Variants in SPRY3 observed in about 807,000 individuals in gnomAD.
The protein encoded by SPRY3 is protein sprouty homolog 3.
A neutral mutation model predicts 20.2 loss-of-function variants in SPRY3; 15 were observed. The ratio of observed to expected loss-of-function variants is 0.74; its 90% confidence interval spans 0.50 to 1.14. The LOEUF is 1.14. SPRY3 is among the 50% of genes most tolerant of loss of function. SPRY3 has a pLI of 0.00. For synonymous variants in SPRY3, 143 were observed against 136.5 expected, an observed-to-expected ratio of 1.05 and a Z score of -0.33; for missense variants, 364 against 363.9, an observed-to-expected ratio of 1.00 and a Z score of 0.00.
At chrX:155,778,330 C>G (rs188561366), downstream of SPRY3, 75 of 167,144 alleles carry the variant, frequency 4.5e-4, 1 homozygote, top group East Asian at 0.014. Context: ...GCAATAGTTA[C>G]AGGCATCATA....
At chrX:155,750,847 A>G (rs2091258917) in intron 2 of SPRY3, among the ~76,000 whole-genome samples, 1 of 151,934 alleles carries the variant, frequency 6.6e-6, no homozygotes, top group Admixed American at 6.6e-5. Context: ...CTAACATTAA[A>G]TGAATACCAA....
intron 1 of SPRY3, among the ~76,000 whole-genome samples, chrX:155,623,253 C>G (rs2067877013): frequency 9.0e-6 from 1 of 111,690 alleles, no homozygotes; most frequent in South Asian, 3.7e-4. Context: ...TTCTTTATGG[C>G]TATTGTCCTC....
chrX:155,754,958 A>T (rs1261386334), intron 2 of SPRY3, among the ~76,000 whole-genome samples: 1 of 136,178 alleles, frequency 7.3e-6, no homozygotes, highest in Non-Finnish European at 1.7e-5. Context: ...ATGTAGCTGA[A>T]CTTGTGTGTG....
intron 1 of SPRY3, among the ~76,000 whole-genome samples, chrX:155,656,711 GT>G (rs1182924873): frequency 5.4e-5 from 6 of 111,423 alleles, no homozygotes; most frequent in African/African-American, 1.6e-4. Context: ...TTTTACGCTG[GT>G]TTTTTTCTCA....
intron 2 of SPRY3, among the ~76,000 whole-genome samples, chrX:155,759,921 C>T (rs1001939250): frequency 2.0e-5 from 3 of 152,180 alleles, no homozygotes; most frequent in Non-Finnish European, 4.4e-5. Flanking sequence ...AAAAATACTT[C>T]CTCCAGGAAG....
chrX:155,653,011 T>C (rs138024324), intron 1 of SPRY3, among the ~76,000 whole-genome samples: 36 of 111,793 alleles, frequency 3.2e-4, no homozygotes, highest in African/African-American at 1.0e-3. Flanking sequence ...CATTTGCATA[T>C]CTCCTTTAGA....
At chrX:155,711,696 T>TC (rs2090987706) in intron 2 of SPRY3, among the ~76,000 whole-genome samples, 1 of 151,170 alleles carries the variant, frequency 6.6e-6, no homozygotes, top group Non-Finnish European at 1.5e-5. Context: ...CTATTTTTTT[T>TC]TTGCTATTTA....
chrX:155,712,625 T>C (rs1179929799), intron 2 of SPRY3, among the ~76,000 whole-genome samples: 1 of 151,986 alleles, frequency 6.6e-6, no homozygotes. Flanking sequence ...GTCTTGTTTT[T>C]TAATTTATGC....
intron 2 of SPRY3, among the ~76,000 whole-genome samples, chrX:155,735,125 TG>T (rs1242082744): frequency 2.0e-5 from 3 of 152,022 alleles, no homozygotes; most frequent in African/African-American, 7.2e-5. Flanking sequence ...TTTATATGTA[TG>T]TTTTTTAATC....
chrX:155,635,082 C>T (rs958493393), intron 1 of SPRY3, among the ~76,000 whole-genome samples: 2 of 109,252 alleles, frequency 1.8e-5, no homozygotes, highest in South Asian at 4.0e-4. Flanking sequence ...GCCCCCCTCC[C>T]ATGTCCATGT....
exon 4 of SPRY3, chrX:155,774,067 C>A: frequency 6.2e-7 from 1 of 1,613,988 alleles, no homozygotes; most frequent in South Asian, 1.1e-5. Flanking sequence ...CCCCCGCAGT[C>A]TCAGCCAGTG....
chrX:155,735,849 T>C (rs181534506), intron 2 of SPRY3, among the ~76,000 whole-genome samples: 34 of 152,080 alleles, frequency 2.2e-4, no homozygotes, highest in African/African-American at 6.3e-4. Context: ...TACCTTTTTA[T>C]AATTGTTCTC....
At chrX:155,766,136 C>A (rs1477385447) in intron 2 of SPRY3, among the ~76,000 whole-genome samples, 2 of 152,202 alleles carry the variant, frequency 1.3e-5, no homozygotes, top group Non-Finnish European at 2.9e-5. Flanking sequence ...CACGCACATA[C>A]ACAGGCATGC....
intron 1 of SPRY3, among the ~76,000 whole-genome samples, chrX:155,653,006 G>T (rs1397100454): frequency 9.0e-6 from 1 of 111,264 alleles, no homozygotes; most frequent in Non-Finnish European, 1.9e-5. Context: ...CTGGCCATTT[G>T]CATATCTCCT....
Position 155,644,918 on chromosome X carries a change from G to T in SPRY3, c.-440-11949G>T, listed in dbSNP as rs782772767. On this transcript the variant is annotated intron_variant, in intron 1 of 3. Transcript: ENST00000675360. The stretch of plus-strand genomic sequence containing the variant: ...TTCTCAAGCAGAGGAATCACTTCCC[G>T]TAGCCACCACAGCTGAAAATGTGCT... Among the ~76,000 whole-genome samples the T allele has an allele frequency of 1.8e-4, 20 of 111,041 alleles. No homozygotes were observed. The South Asian group carries it at 7.3e-3, about 40-fold the overall frequency.
chrX:155,633,464 C>T (rs782633207), intron 1 of SPRY3, among the ~76,000 whole-genome samples: 19 of 108,985 alleles, frequency 1.7e-4, no homozygotes, highest in East Asian at 5.7e-4. Flanking sequence ...TGAAACACCC[C>T]GGAGCACTGC....
intron 2 of SPRY3, among the ~76,000 whole-genome samples, chrX:155,726,488 T>C (rs1423410505): frequency 6.6e-6 from 1 of 151,950 alleles, no homozygotes. Context: ...ACTTGCTTTA[T>C]GAGTCTGGGT....
intron 2 of SPRY3, among the ~76,000 whole-genome samples, chrX:155,754,591 TATGAATTTTAGGGTTCATTC>T (rs1360863226): frequency 6.6e-6 from 1 of 152,038 alleles, no homozygotes; most frequent in Non-Finnish European, 1.5e-5. Context: ...TGCATTTCCA[TATGAATTTTAGGGTTCATTC>T]ATGAATTTTT....
intron 1 of SPRY3, among the ~76,000 whole-genome samples, chrX:155,624,520 CT>C (rs1202505206): frequency 2.0e-4 from 11 of 56,026 alleles, no homozygotes; most frequent in African/African-American, 9.8e-4. Flanking sequence ...TATCTATCAT[CT>C]ATCTATCTAT....
Sources: allele counts gnomAD v4.1 joint callset (sites outside exome capture counted in the v4.1 genomes callset), GRCh38; gene constraint gnomAD v4.1.1; transcripts MANE v1.5; gene names NCBI Gene and HGNC (gene_info 2026-07-23, HGNC 2026-07-21).